The following KIAA1217 variants were observed in gnomAD, a reference collection of about 807,000 sequenced individuals.
KIAA1217 encodes sickle tail protein homolog.
Under a neutral mutation model 163.9 loss-of-function variants are expected in KIAA1217, and 88 were observed. The observed-to-expected ratio is 0.54, with a 90% CI of 0.45 to 0.64. The LOEUF is 0.64. KIAA1217 is among the 30% of genes least tolerant of loss of function. KIAA1217 has a pLI of 0.00. For synonymous variants in KIAA1217, 903 were observed against 923.1 expected, an observed-to-expected ratio of 0.98 and a Z score of 0.39; for missense variants, 2,372 against 2,475.0, an observed-to-expected ratio of 0.96 and a Z score of 0.88.
chr10:24,370,488 T>G (rs1383790090), intron 2 of KIAA1217, among the ~76,000 whole-genome samples: 1 of 152,150 alleles, frequency 6.6e-6, no homozygotes, highest in Non-Finnish European at 1.5e-5. Flanking sequence ...TTGTTTCAAA[T>G]TGTGAAAGAA....
In KIAA1217 at chr10:23,790,414, CAT is replaced by C. The variant is rs1359525277; in HGVS notation, c.-321+95186_-321+95187del. ...ATGTATATATACATATATACATATACATATATACATATATACATATACATATA... is the reference window on the plus strand; with the variant it reads ...ATGTATATATACATATATACATATACATATACATATATACATATACATATA... On this transcript the variant is annotated intron_variant, in intron 1 of 18. Coordinates refer to the KIAA1217 transcript ENST00000376462. 2.2e-4 allele frequency among the ~76,000 whole-genome samples: 15 copies of C among 68,838 alleles called. 4 individuals are homozygous for C. The highest frequency in any genetic ancestry group is 4.2e-4 in the Non-Finnish European group (15 of 35,586). The allele number at this position is 68,838 out of a possible 152,430, so 45.2% of individuals were successfully genotyped here. A position where few individuals can be genotyped will look rare whatever the true frequency, so the allele number is the denominator to read the frequency against.
At chr10:24,199,349 T>C (rs1335009476) in intron 2 of KIAA1217, among the ~76,000 whole-genome samples, 1 of 152,134 alleles carries the variant, frequency 6.6e-6, no homozygotes, top group Non-Finnish European at 1.5e-5. Flanking sequence ...AACAATAATA[T>C]AGATGAGAGG....
chr10:24,544,710 T>C (rs913417187), intron 19 of KIAA1217, among the ~76,000 whole-genome samples: 2 of 152,188 alleles, frequency 1.3e-5, no homozygotes, highest in Admixed American at 1.3e-4. Context: ...TGTTGCTGAC[T>C]GGTGTTGGGT....
intron 6 of KIAA1217, among the ~76,000 whole-genome samples, chr10:24,474,691 AATAGACAT>A (rs1419984102): frequency 6.6e-6 from 1 of 152,200 alleles, no homozygotes; most frequent in Non-Finnish European, 1.5e-5. Context: ...TTTCTTTTTA[AATAGACAT>A]ATTTTATAAT....
At chr10:24,427,547 T>A (rs1266972816) in intron 3 of KIAA1217, among the ~76,000 whole-genome samples, 1 of 152,304 alleles carries the variant, frequency 6.6e-6, no homozygotes, top group Non-Finnish European at 1.5e-5. Context: ...TTTATTTCCT[T>A]ATCTGTGAAA....
At chr10:24,090,623 G>A (rs2061903729) in intron 2 of KIAA1217, among the ~76,000 whole-genome samples, 3 of 151,576 alleles carry the variant, frequency 2.0e-5, no homozygotes, top group Admixed American at 6.6e-5. Context: ...GCATTTCGAA[G>A]AGGAGAAGTG....
At position 23,709,545 on chromosome 10, in the gene KIAA1217, A is replaced by T. The variant is rs141899979; in HGVS notation, c.-321+14311A>T. On this transcript the variant is annotated intron_variant, in intron 1 of 18. Transcript: ENST00000376462. ...CCCTGTCTCCAAAAAAGAAAAAAAA[A>T]AAATAAAGAAATAGAAACTTCCTTT... Among the ~76,000 whole-genome samples, 1,054 of 152,144 alleles carry T rather than the reference A, an allele frequency of 6.9e-3. 7 individuals carry two copies. The highest frequency in any genetic ancestry group is 0.02 in the African/African-American group (839 of 41,504).
chr10:24,233,522 T>A (rs936824976), intron 2 of KIAA1217, among the ~76,000 whole-genome samples: 3 of 152,188 alleles, frequency 2.0e-5, no homozygotes, highest in African/African-American at 7.2e-5. Flanking sequence ...AACCTTTGGG[T>A]ATGATTTGAG....
At chr10:23,971,488 C>T (rs575508862) in intron 1 of KIAA1217, among the ~76,000 whole-genome samples, 3 of 152,180 alleles carry the variant, frequency 2.0e-5, no homozygotes, top group Non-Finnish European at 2.9e-5. Context: ...CTGCCCTGTT[C>T]ATGTCTGCCT....
chr10:24,355,237 C>T (rs1043634335), intron 2 of KIAA1217, among the ~76,000 whole-genome samples: 3 of 152,200 alleles, frequency 2.0e-5, no homozygotes, highest in Non-Finnish European at 4.4e-5. Flanking sequence ...GCAAGTCTCA[C>T]AGCCAGGGAT....
At chr10:23,861,884 A>G (rs1839967810) in intron 1 of KIAA1217, among the ~76,000 whole-genome samples, 1 of 152,208 alleles carries the variant, frequency 6.6e-6, no homozygotes, top group Non-Finnish European at 1.5e-5. Context: ...AAATCAATTG[A>G]GCCACCAGGA....
upstream of KIAA1217, among the ~76,000 whole-genome samples, chr10:24,205,539 C>T (rs541554024): frequency 3.6e-4 from 54 of 151,352 alleles, no homozygotes; most frequent in Non-Finnish European, 4.6e-4. Flanking sequence ...TTTGGGAGCC[C>T]GAGGCAGGCA....
chr10:24,065,746 A>G (rs2131613713), intron 2 of KIAA1217, among the ~76,000 whole-genome samples: 1 of 152,272 alleles, frequency 6.6e-6, no homozygotes, highest in Admixed American at 6.5e-5. Context: ...GTAGGGTGTT[A>G]AAGTCTCCCA....
intron 1 of KIAA1217, among the ~76,000 whole-genome samples, chr10:23,948,005 A>C (rs751246808): frequency 1.3e-5 from 2 of 152,226 alleles, no homozygotes; most frequent in Non-Finnish European, 2.9e-5. Flanking sequence ...CTTCCACCTA[A>C]TCTGATATGT....
chr10:23,956,932 A>G (rs1844590576), intron 1 of KIAA1217, among the ~76,000 whole-genome samples: 3 of 152,078 alleles, frequency 2.0e-5, no homozygotes, highest in Admixed American at 6.6e-5. Context: ...TGGGGACTAC[A>G]TTTCACCATG....
chr10:24,136,331 TAA>T (rs2063830868), intron 2 of KIAA1217, among the ~76,000 whole-genome samples: 1 of 152,170 alleles, frequency 6.6e-6, no homozygotes, highest in Admixed American at 6.6e-5. Flanking sequence ...TCTCGATTTC[TAA>T]AGAGGAAGGG....
intron 3 of KIAA1217, among the ~76,000 whole-genome samples, chr10:24,425,029 A>C (rs1021420530): frequency 6.6e-6 from 1 of 152,198 alleles, no homozygotes; most frequent in Non-Finnish European, 1.5e-5. Context: ...GCCAGTGTAC[A>C]TTCTACCAAC....
chr10:24,200,461 G>A (rs1220675709), intron 2 of KIAA1217, among the ~76,000 whole-genome samples: 1 of 152,052 alleles, frequency 6.6e-6, no homozygotes, highest in Non-Finnish European at 1.5e-5. Context: ...ATGCCACTGA[G>A]CCACTGTGCC....
chr10:23,741,870 G>A (rs1335823), intron 1 of KIAA1217, among the ~76,000 whole-genome samples: 44,041 of 152,114 alleles, frequency 0.29, 7,305 homozygotes, highest in African/African-American at 0.45. Context: ...TTGAAATGGT[G>A]TAAGAATGAA....
Sources: allele counts gnomAD v4.1 joint callset (sites outside exome capture counted in the v4.1 genomes callset), GRCh38; gene constraint gnomAD v4.1.1; transcripts MANE v1.5; gene names NCBI Gene and HGNC (gene_info 2026-07-23, HGNC 2026-07-21).